Variants in TMEM163 observed in about 807,000 individuals in gnomAD.
TMEM163 encodes the protein transmembrane protein 163.
In TMEM163, 17 loss-of-function variants were observed where a neutral mutation model predicts 29.3. The ratio of observed to expected loss-of-function variants is 0.58; its 90% CI spans 0.40 to 0.87. The LOEUF is 0.87. TMEM163 is among the 40% of genes least tolerant of loss of function. The probability of loss-of-function intolerance (pLI) is 0.00; values close to 1 mark genes in which losing one functional copy is unlikely to be tolerated. For missense variants in TMEM163, 303 were observed against 381.5 expected, an observed-to-expected ratio of 0.79 and a Z score of 1.71; for synonymous variants, 157 against 160.6, an observed-to-expected ratio of 0.98 and a Z score of 0.17.
At chr2:134,650,127 T>C (rs1280221841) in intron 2 of TMEM163, among the ~76,000 whole-genome samples, 1 of 151,796 alleles carries the variant, frequency 6.6e-6, no homozygotes, top group Non-Finnish European at 1.5e-5. Flanking sequence ...TACAACCACA[T>C]TTTTGTGTTT....
intron 2 of TMEM163, among the ~76,000 whole-genome samples, chr2:134,610,465 G>C (rs955728049): frequency 2.0e-5 from 3 of 152,292 alleles, no homozygotes; most frequent in East Asian, 3.9e-4. Context: ...TAGTGGTCTG[G>C]GGGGAGGTCT....
intron 2 of TMEM163, among the ~76,000 whole-genome samples, chr2:134,698,239 G>A (rs1001423130): frequency 2.6e-5 from 4 of 152,138 alleles, no homozygotes; most frequent in African/African-American, 4.8e-5. Flanking sequence ...GGAAGGGAGG[G>A]GGTGCAAAAT....
intron 2 of TMEM163, among the ~76,000 whole-genome samples, chr2:134,679,551 T>G (rs540690327): frequency 1.3e-5 from 2 of 152,312 alleles, no homozygotes; most frequent in African/African-American, 4.8e-5. Flanking sequence ...CGCAGTGCTC[T>G]GGGTTGGAAG....
In TMEM163 at chr2:134,598,727, G is replaced by A. The variant is rs59281176; in HGVS notation, c.323-46636C>T. On this transcript the variant is annotated intron_variant, in intron 2 of 7. Transcript: ENST00000281924. The stretch of plus-strand genomic sequence containing the variant: ...AGCTCAGGAGTTCGAGACCAGCCTG[G>A]CCAACATGGTGAAACCCCGTCTCTA... 5.9e-5 allele frequency among the ~76,000 whole-genome samples: 9 copies of A among 152,036 alleles called. No homozygotes were observed. The East Asian group carries it at 1.7e-3, about 29-fold the overall frequency.
chr2:134,632,539 C>T (rs1353512201), intron 2 of TMEM163, among the ~76,000 whole-genome samples: 4 of 152,126 alleles, frequency 2.6e-5, no homozygotes, highest in East Asian at 3.9e-4. Context: ...ATTCTGGAGG[C>T]GGGGGGCATC....
intron 2 of TMEM163, among the ~76,000 whole-genome samples, chr2:134,683,484 T>A (rs1416908370): frequency 6.7e-6 from 1 of 150,362 alleles, no homozygotes; most frequent in East Asian, 1.9e-4. Flanking sequence ...TGTGAAGCCA[T>A]AAACCACCAG....
rs1042049104 is a variant in TMEM163, at chr2:134,510,931, C to T, written c.459-7934G>A. On this transcript the variant is annotated intron_variant, in intron 4 of 7. Transcript: ENST00000281924. ...TGCCAAACCCTACCCAAGATCTCTG[C>T]TTCCAATGTACACTGCACAGGGAAT... 3.3e-5 allele frequency among the ~76,000 whole-genome samples: 5 copies of T among 152,300 alleles called. No individual in the cohort carries two copies. In the East Asian group the frequency reaches 9.7e-4, roughly 29 times the overall value.
chr2:134,651,315 T>C (rs933173208), intron 2 of TMEM163, among the ~76,000 whole-genome samples: 1 of 141,352 alleles, frequency 7.1e-6, no homozygotes. Context: ...CATTTTTTCA[T>C]GTGTTTCTTG....
intron 2 of TMEM163, among the ~76,000 whole-genome samples, chr2:134,701,916 C>CAAAA (rs71301801): frequency 0.015 from 1,002 of 66,392 alleles, 30 homozygotes; most frequent in African/African-American, 0.038. Flanking sequence ...AAAACTGTCT[C>CAAAA]AAAAAAAAAA....
chr2:134,533,954 A>G (rs1558936523), intron 4 of TMEM163, among the ~76,000 whole-genome samples: 1 of 151,980 alleles, frequency 6.6e-6, no homozygotes, highest in Non-Finnish European at 1.5e-5. Flanking sequence ...CTACTCAGTG[A>G]CCTTCCTTGG....
intron 2 of TMEM163, among the ~76,000 whole-genome samples, chr2:134,674,340 A>ATTTTT (rs72052495): frequency 1.2e-4 from 13 of 106,576 alleles, no homozygotes; most frequent in African/African-American, 2.3e-4. Context: ...AGAGTCATTA[A>ATTTTT]TTTTTTTTTT....
At chr2:134,648,096 T>C (rs936021316) in intron 2 of TMEM163, among the ~76,000 whole-genome samples, 2 of 152,078 alleles carry the variant, frequency 1.3e-5, no homozygotes, top group African/African-American at 4.8e-5. Flanking sequence ...TCAGAGATGG[T>C]AAATGTGGGG....
chr2:134,655,273 C>T (rs1683572596), intron 2 of TMEM163, among the ~76,000 whole-genome samples: 1 of 137,048 alleles, frequency 7.3e-6, no homozygotes, highest in South Asian at 2.4e-4. Flanking sequence ...CTCTAACCTT[C>T]CCTTCTCACT....
rs1680463442 is a variant in TMEM163 at position 134,533,612 on chromosome 2, C to T, written c.458+16958G>A. On this transcript the variant is annotated intron_variant, in intron 4 of 7. Coordinates refer to ENST00000281924, the MANE Select transcript of TMEM163 (RefSeq NM_030923.5). Reference sequence around the variant, plus strand: ...AAAGAAACACAGGGCCTTCCATATTCACAAGAATGTCAGGGTTCTCTTGTA... The same window carrying T: ...AAAGAAACACAGGGCCTTCCATATTTACAAGAATGTCAGGGTTCTCTTGTA... Among the ~76,000 whole-genome samples the T allele has an allele frequency of 2.0e-5, 3 of 152,192 alleles. No individual in the cohort carries two copies. In the South Asian group the frequency reaches 6.2e-4, roughly 31 times the overall value.
intron 2 of TMEM163, among the ~76,000 whole-genome samples, chr2:134,659,714 CA>C (rs2104857463): frequency 6.6e-6 from 1 of 152,314 alleles, no homozygotes; most frequent in Admixed American, 6.5e-5. Context: ...GGGCCAGGCA[CA>C]GCTCACTTGA....
intron 2 of TMEM163, among the ~76,000 whole-genome samples, chr2:134,616,726 T>C (rs575010715): frequency 6.6e-6 from 1 of 152,328 alleles, no homozygotes. Flanking sequence ...ATTACCTGGT[T>C]TTGATATTGT....
intron 1 of TMEM163, among the ~76,000 whole-genome samples, chr2:134,717,901 T>G (rs1685068847): frequency 6.6e-6 from 1 of 151,962 alleles, no homozygotes; most frequent in Non-Finnish European, 1.5e-5. Context: ...GCAGGGAGTC[T>G]CTCCCGTCCT....
At chr2:134,648,304 CCTCTTCTCTTCTCTT>C (rs60230448) in intron 2 of TMEM163, among the ~76,000 whole-genome samples, 295 of 143,226 alleles carry the variant, frequency 2.1e-3, no homozygotes, top group African/African-American at 6.8e-3. Flanking sequence ...CACTGCTTCT[CCTCTTCTCTTCTCTT>C]CTCTTCTCTT....
rs112122655 is a variant in TMEM163 at position 134,611,589 on chromosome 2, GAAC to G, written c.323-59501_323-59499del. Reference sequence around the variant, plus strand: ...GAGGAGGGGTAGGGACAATAACAAGGAACAACATTTTAGAGAGTGATGAGCAAA... The same window carrying G: ...GAGGAGGGGTAGGGACAATAACAAGGAACATTTTAGAGAGTGATGAGCAAA... On this transcript the variant is annotated intron_variant, in intron 2 of 7. Coordinates refer to ENST00000281924, the MANE Select transcript of TMEM163 (RefSeq NM_030923.5). Among the ~76,000 whole-genome samples the G allele has an allele frequency of 9.3e-3, 1,414 of 152,208 alleles. 28 individuals are homozygous for G. Among genetic ancestry groups the G allele is most frequent in the African/African-American group, 0.032 (1,319 of 41,512 alleles).
Sources: allele counts gnomAD v4.1 joint callset (sites outside exome capture counted in the v4.1 genomes callset), GRCh38; gene constraint gnomAD v4.1.1; transcripts MANE v1.5; gene names NCBI Gene and HGNC (gene_info 2026-07-23, HGNC 2026-07-21).